The following DSCAM variants were observed in gnomAD, a reference collection of about 807,000 sequenced individuals.
The protein encoded by DSCAM is cell adhesion molecule DSCAM.
A neutral mutation model predicts 217.7 loss-of-function variants in DSCAM; 47 were observed. The ratio of observed to expected loss-of-function variants is 0.22; its 90% confidence interval spans 0.17 to 0.28. The LOEUF is 0.28. Among genes scored for constraint, DSCAM ranks in the 10% least tolerant of loss-of-function variants. The pLI, the probability that DSCAM is intolerant of heterozygous loss-of-function variation, is 1.00. For missense variants in DSCAM, 2,080 were observed against 2,618.3 expected, an observed-to-expected ratio of 0.79 and a Z score of 4.49; for synonymous variants, 1,056 against 1,015.3, an observed-to-expected ratio of 1.04 and a Z score of -0.76.
chr21:40,541,537 TAAAAG>T (rs1407071805), intron 3 of DSCAM, among the ~76,000 whole-genome samples: 2 of 152,180 alleles, frequency 1.3e-5, no homozygotes, highest in East Asian at 1.9e-4. Context: ...ATTTCCTTAT[TAAAAG>T]AATAGAGGCC....
intron 3 of DSCAM, among the ~76,000 whole-genome samples, chr21:40,586,726 G>A (rs1165743256): frequency 2.6e-5 from 4 of 152,158 alleles, no homozygotes; most frequent in Admixed American, 1.3e-4. Flanking sequence ...AAAGATCCAT[G>A]CTTGAAACCC....
chr21:40,476,277 A>C (rs1316199886), intron 3 of DSCAM, among the ~76,000 whole-genome samples: 1 of 152,344 alleles, frequency 6.6e-6, no homozygotes, highest in African/African-American at 2.4e-5. Context: ...GTCAACTCTG[A>C]GTTTGAGCTA....
intron 10 of DSCAM, among the ~76,000 whole-genome samples, chr21:40,295,268 T>A (rs994484251): frequency 6.6e-6 from 1 of 152,104 alleles, no homozygotes; most frequent in Non-Finnish European, 1.5e-5. Context: ...TGAATTCAAG[T>A]GTCTAAATGA....
At chr21:40,756,513 T>C (rs536711850) in intron 1 of DSCAM, among the ~76,000 whole-genome samples, 13 of 152,220 alleles carry the variant, frequency 8.5e-5, no homozygotes, top group African/African-American at 3.1e-4. Context: ...TGCCTCAGCC[T>C]CCCAAGTAGC....
intron 3 of DSCAM, among the ~76,000 whole-genome samples, chr21:40,661,157 T>C (rs2090135286): frequency 6.6e-6 from 1 of 152,208 alleles, no homozygotes; most frequent in African/African-American, 2.4e-5. Context: ...AAGAAAAATC[T>C]TAGCATGCAC....
intron 3 of DSCAM, among the ~76,000 whole-genome samples, chr21:40,435,347 C>T (rs1036894441): frequency 6.6e-6 from 1 of 152,176 alleles, no homozygotes; most frequent in Admixed American, 6.5e-5. Flanking sequence ...TATTATGCAG[C>T]AAACAAAACA....
chr21:40,041,039 G>A (rs539658157), intron 32 of DSCAM, among the ~76,000 whole-genome samples: 1 of 152,266 alleles, frequency 6.6e-6, no homozygotes, highest in African/African-American at 2.4e-5. Flanking sequence ...ATTGGATGCT[G>A]GCATGAATCT....
Position 40,842,469 on chromosome 21 carries a change from C to A in DSCAM, c.43+4150G>T, listed in dbSNP as rs1011288073. On this transcript the variant is annotated intron_variant, in intron 1 of 32. Transcript: ENST00000400454. ...GTAGAATTCAGCTAATTTTACGAAA[C>A]CTGGATGCCACATTTTGTAAATGCA... 2.6e-5 allele frequency among the ~76,000 whole-genome samples: 4 copies of A among 152,314 alleles called. 1 individual carries two copies. Among genetic ancestry groups the A allele is most frequent in the South Asian group, 4.1e-4 (2 of 4,828 alleles).
At chr21:40,222,860 T>A (rs2091300522) in intron 11 of DSCAM, among the ~76,000 whole-genome samples, 1 of 152,162 alleles carries the variant, frequency 6.6e-6, no homozygotes, top group Non-Finnish European at 1.5e-5. Flanking sequence ...TTGAGAAGTG[T>A]CCTTCTATAT....
intron 1 of DSCAM, among the ~76,000 whole-genome samples, chr21:40,793,518 G>T (rs549314288): frequency 2.0e-4 from 30 of 152,162 alleles, no homozygotes; most frequent in African/African-American, 7.2e-4. Flanking sequence ...TTGAGACGGG[G>T]TCTCACTCTG....
chr21:40,386,549 C>T (rs1288580681), intron 3 of DSCAM, among the ~76,000 whole-genome samples: 3 of 152,208 alleles, frequency 2.0e-5, no homozygotes, highest in Non-Finnish European at 2.9e-5. Context: ...CCACGGCACG[C>T]GTGGTGTGGG....
At chr21:40,115,127 T>G (rs962926998) in intron 20 of DSCAM, among the ~76,000 whole-genome samples, 3 of 152,136 alleles carry the variant, frequency 2.0e-5, no homozygotes, top group African/African-American at 7.2e-5. Context: ...ATGTTTACTG[T>G]GGCACTATTC....
intron 19 of DSCAM, among the ~76,000 whole-genome samples, chr21:40,126,453 G>T (rs763644493): frequency 6.6e-6 from 1 of 152,056 alleles, no homozygotes; most frequent in African/African-American, 2.4e-5. Flanking sequence ...CAAACAGATC[G>T]TTGGTAAATG....
chr21:40,407,564 C>G (rs1245202316), intron 3 of DSCAM, among the ~76,000 whole-genome samples: 1 of 152,130 alleles, frequency 6.6e-6, no homozygotes, highest in Non-Finnish European at 1.5e-5. Context: ...AGAAGGAATC[C>G]AAACTTCCTA....
At chr21:40,259,042 T>C (rs2073411746) in intron 11 of DSCAM, among the ~76,000 whole-genome samples, 1 of 152,254 alleles carries the variant, frequency 6.6e-6, no homozygotes, top group Non-Finnish European at 1.5e-5. Context: ...TTTATGGCAC[T>C]GAGGAACAAG....
chr21:40,283,106 ATT>A (rs1325155635), intron 10 of DSCAM, among the ~76,000 whole-genome samples: 1 of 152,238 alleles, frequency 6.6e-6, no homozygotes, highest in Non-Finnish European at 1.5e-5. Flanking sequence ...AAGGGCTAGC[ATT>A]TGTTTAATTG....
chr21:40,350,686 T>C (rs73229123), intron 5 of DSCAM, among the ~76,000 whole-genome samples: 9,561 of 151,780 alleles, frequency 0.063, 387 homozygotes, highest in East Asian at 0.21. Flanking sequence ...CAAGGGTGCA[T>C]AGAACTGAGA....
intron 3 of DSCAM, among the ~76,000 whole-genome samples, chr21:40,448,847 T>C (rs1263505935): frequency 1.3e-5 from 2 of 152,194 alleles, no homozygotes; most frequent in Admixed American, 1.3e-4. Flanking sequence ...TGTTTTCTTG[T>C]TGCTGCTATA....
chr21:40,579,166 C>G (rs1461337839), intron 3 of DSCAM, among the ~76,000 whole-genome samples: 1 of 152,038 alleles, frequency 6.6e-6, no homozygotes, highest in East Asian at 1.9e-4. Flanking sequence ...AAGCAAAAGA[C>G]CTGATGGGTC....
Sources: allele counts gnomAD v4.1 joint callset (sites outside exome capture counted in the v4.1 genomes callset), GRCh38; gene constraint gnomAD v4.1.1; transcripts MANE v1.5; gene names NCBI Gene and HGNC (gene_info 2026-07-23, HGNC 2026-07-21).